SCD5: variants seen among roughly 807,000 people sequenced by gnomAD.
SCD5 encodes the protein acyl-CoA-desaturase 4.
Under a neutral mutation model 30.4 loss-of-function variants are expected in SCD5, and 20 were observed. The ratio of observed to expected loss-of-function variants is 0.66; its 90% CI spans 0.46 to 0.96. The LOEUF (loss-of-function observed/expected upper bound fraction) is 0.96. SCD5 is among the 40% of genes least tolerant of loss of function. The pLI is 0.00. For missense variants in SCD5, 381 were observed against 443.3 expected (o/e 0.86, Z 1.26); for synonymous variants, 173 against 176.4 (o/e 0.98, Z 0.16).
intron 3 of SCD5, among the ~76,000 whole-genome samples, chr4:82,651,206 C>G (rs2868386): frequency 0.76 from 115,401 of 152,064 alleles, 44,650 homozygotes; most frequent in East Asian, 0.99. Context: ...CTGACCAAGA[C>G]TCTTTGGACT....
At chr4:82,727,747 C>T (rs1360286070) in intron 1 of SCD5, among the ~76,000 whole-genome samples, 2 of 152,222 alleles carry the variant, frequency 1.3e-5, no homozygotes, top group Non-Finnish European at 2.9e-5. Context: ...CACTCTGTCG[C>T]CCAGACTGGA....
intron 1 of SCD5, among the ~76,000 whole-genome samples, chr4:82,715,542 A>T (rs147063965): frequency 0.017 from 2,552 of 151,690 alleles, 39 homozygotes; most frequent in Non-Finnish European, 0.026. Context: ...TAAAAAAAAA[A>T]TAAGGGTGTC....
intron 1 of SCD5, among the ~76,000 whole-genome samples, chr4:82,761,203 G>A (rs1721356655): frequency 6.6e-6 from 1 of 152,186 alleles, no homozygotes; most frequent in Non-Finnish European, 1.5e-5. Flanking sequence ...CCAACTTCAG[G>A]AACTGCTGCC....
intron 1 of SCD5, among the ~76,000 whole-genome samples, chr4:82,758,635 T>C (rs778593655): frequency 6.6e-5 from 10 of 152,096 alleles, no homozygotes; most frequent in Admixed American, 2.0e-4. Context: ...GAGACCCCAC[T>C]CTGTAATGCT....
chr4:82,790,774 A>G (rs1722083679), intron 1 of SCD5, among the ~76,000 whole-genome samples: 2 of 152,148 alleles, frequency 1.3e-5, no homozygotes, highest in Admixed American at 6.5e-5. Context: ...CCCGCTGTGC[A>G]TTAGAAACAC....
intron 3 of SCD5, among the ~76,000 whole-genome samples, chr4:82,642,885 T>C (rs141316129): frequency 3.2e-4 from 49 of 152,364 alleles, no homozygotes; most frequent in African/African-American, 1.1e-3. Context: ...CCATCCTTTC[T>C]TTCTGGCTGG....
chr4:82,746,115 C>T (rs569770299), intron 1 of SCD5, among the ~76,000 whole-genome samples: 87 of 152,332 alleles, frequency 5.7e-4, no homozygotes, highest in African/African-American at 2.0e-3. Context: ...CTGTTACCCA[C>T]AGTCCAAAAT....
intron 3 of SCD5, among the ~76,000 whole-genome samples, chr4:82,638,920 A>G (rs1369432258): frequency 6.6e-6 from 1 of 152,220 alleles, no homozygotes; most frequent in East Asian, 1.9e-4. Context: ...AGGGACTATT[A>G]TCCCCATTTT....
At chr4:82,709,152 G>A (rs1036792833) in intron 1 of SCD5, among the ~76,000 whole-genome samples, 3 of 152,170 alleles carry the variant, frequency 2.0e-5, no homozygotes, top group Admixed American at 6.5e-5. Flanking sequence ...CTAGCAGGAG[G>A]AACTTGAATG....
chr4:82,753,537 CCT>C (rs1341751097), intron 1 of SCD5: 4 of 431,392 alleles, frequency 9.3e-6, no homozygotes, highest in Non-Finnish European at 1.9e-5. Context: ...GGCTGAGTCA[CCT>C]GCGGGGAAGG....
At chr4:82,636,974 G>T in intron 3 of SCD5, 151 bp from the exon 4 acceptor site, 1 of 656,822 alleles carries the variant, frequency 1.5e-6, no homozygotes, top group Non-Finnish European at 2.6e-6. Context: ...AGCCTGTTGT[G>T]TAGGGGTCAC....
intron 3 of SCD5, among the ~76,000 whole-genome samples, chr4:82,665,351 C>A (rs1728163017): frequency 1.3e-5 from 2 of 150,510 alleles, no homozygotes; most frequent in Admixed American, 1.3e-4. Flanking sequence ...TCTAAGAAGC[C>A]CAGAGTCCCA....
intron 2 of SCD5, among the ~76,000 whole-genome samples, chr4:82,702,714 GA>G (rs1345159235): frequency 6.6e-6 from 1 of 152,084 alleles, no homozygotes; most frequent in East Asian, 1.9e-4. Context: ...GAGAATCTTT[GA>G]AACTATCTTT....
intron 2 of SCD5, among the ~76,000 whole-genome samples, chr4:82,699,058 G>A (rs1719757537): frequency 6.6e-6 from 1 of 152,164 alleles, no homozygotes; most frequent in East Asian, 1.9e-4. Context: ...CACTAGAGCA[G>A]GGGTCCGCAA....
At chr4:82,784,390 G>A (rs1217413147) in intron 1 of SCD5, among the ~76,000 whole-genome samples, 1 of 152,134 alleles carries the variant, frequency 6.6e-6, no homozygotes, top group Non-Finnish European at 1.5e-5. Flanking sequence ...AATCTGCAGT[G>A]CCATCTTCTA....
At chr4:82,751,827 A>G (rs1358424383) in intron 1 of SCD5, among the ~76,000 whole-genome samples, 2 of 152,170 alleles carry the variant, frequency 1.3e-5, no homozygotes, top group Admixed American at 6.5e-5. Flanking sequence ...GGGTTTCACC[A>G]TGTTGGCCAG....
intron 1 of SCD5, among the ~76,000 whole-genome samples, chr4:82,720,906 C>A (rs1246838434): frequency 6.6e-6 from 1 of 152,228 alleles, no homozygotes; most frequent in African/African-American, 2.4e-5. Context: ...AATCCCAGCA[C>A]TTCAGGACGC....
At chr4:82,688,662 T>G (rs1369860995) in intron 2 of SCD5, among the ~76,000 whole-genome samples, 1 of 152,216 alleles carries the variant, frequency 6.6e-6, no homozygotes. Flanking sequence ...GAGGACAAGT[T>G]GCCACCTGCT....
chr4:82,653,676 T>TGATAGATAGATA (rs1553914392), intron 3 of SCD5, among the ~76,000 whole-genome samples: 24,363 of 136,484 alleles, frequency 0.18, 2,307 homozygotes, highest in Admixed American at 0.2. Context: ...TGAAAGTCAA[T>TGATAGATAGATA]GATAGATAGA....
Sources: gnomAD v4.1 joint callset for allele counts (sites outside exome capture counted in the v4.1 genomes callset) on GRCh38, gnomAD v4.1.1 for gene constraint, MANE v1.5 for transcripts, NCBI Gene and HGNC (gene_info 2026-07-23, HGNC 2026-07-21) for gene names.